Variants in EPHA8 observed in about 807,000 individuals in gnomAD.
EPHA8 encodes ephrin type-A receptor 8.
A neutral mutation model predicts 103.6 loss-of-function variants in EPHA8; 58 were observed. That is an observed-to-expected ratio of 0.56 (90% CI 0.45 to 0.70). The LOEUF (loss-of-function observed/expected upper bound fraction) is 0.70. Among genes scored for constraint, EPHA8 ranks in the 30% least tolerant of loss-of-function variants. EPHA8 has a pLI of 0.00. For missense variants in EPHA8, 1,304 were observed against 1,395.2 expected (o/e 0.93, Z 1.04); for synonymous variants, 559 against 572.5 (o/e 0.98, Z 0.34).
chr1:22,591,109 G>C (rs1325526753), intron 5 of EPHA8, among the ~76,000 whole-genome samples: 1 of 152,084 alleles, frequency 6.6e-6, no homozygotes, highest in Admixed American at 6.5e-5. Context: ...AGAAGTGAGG[G>C]CTGGGTGTGG....
intron 13 of EPHA8, among the ~76,000 whole-genome samples, chr1:22,599,656 A>AGGG (rs1249585051): frequency 1.2e-4 from 6 of 50,952 alleles, no homozygotes; most frequent in African/African-American, 5.4e-4. Flanking sequence ...GGAAGGAAGG[A>AGGG]AAGGAGGGAG....
chr1:22,564,308 G>C lies in EPHA8; in HGVS notation c.94+579G>C, dbSNP rs546228028. ...AAGGAGGGGTGCGGAATGAGAGTCT[G>C]GGAGAGGGGTCAGGGCCCGAGGGCC... On this transcript the variant is annotated intron_variant, in intron 1 of 16. Transcript: ENST00000166244. Among the ~76,000 whole-genome samples the C allele has an allele frequency of 5.3e-5, 8 of 151,924 alleles. No individual in the cohort carries two copies. In the East Asian group the frequency reaches 1.6e-3, roughly 30 times the overall value.
chr1:22,589,186 A>G lies in EPHA8; in HGVS notation c.1295A>G (p.Asn432Ser). 1.2e-6 allele frequency: 2 copies of G among 1,613,972 alleles called. No individual in the cohort carries two copies. The highest frequency in any genetic ancestry group is 1.1e-5 in the South Asian group (1 of 91,072). The change falls in exon 5 of 17, where the codon AAC (asparagine) becomes AGC (serine). Residue 432 changes from asparagine to serine, a missense_variant. By Grantham distance (46) the Asn-to-Ser change is conservative. Transcript: ENST00000166244. This position sits in a 1 kb window ranked among gnomAD's most constrained non-coding sequence, Gnocchi z 4.3. ...SPEPRRAAVV[N>S]ITTNQAAPSQ... The stretch of plus-strand genomic sequence containing the variant: ...GAGCCCCGCCGGGCCGCTGTGGTCA[A>G]CATCACCACGAACCAGGCAGGTAGG...
intron 4 of EPHA8, 22 bp downstream of exon 4, chr1:22,586,657 C>T (rs1430237818): frequency 3.7e-6 from 6 of 1,611,416 alleles, no homozygotes; most frequent in South Asian, 3.3e-5. Context: ...TCCGAGATGC[C>T]AGTACCCTTG....
rs1261225071 is a variant in EPHA8, at chr1:22,569,240, T to A, written c.95-49T>A. The A allele has an allele frequency of 3.1e-6, 5 of 1,602,182 alleles. No individual in the cohort carries two copies. ...CTGGGTCAGGCTGCTCTTGAGGAGC[T>A]GGGGAGAAGTCAGAGGGGCCTGATG... is the stretch of plus-strand genomic sequence containing the variant. On this transcript the variant is annotated intron_variant, in intron 1 of 16. Coordinates refer to ENST00000166244, the MANE Select transcript of EPHA8 (RefSeq NM_020526.5). The surrounding 1 kb of genome is among the most constrained non-coding windows in gnomAD (Gnocchi z 4.5).
At chr1:22,574,719 T>C (rs547274302) in intron 2 of EPHA8, among the ~76,000 whole-genome samples, 2 of 152,378 alleles carry the variant, frequency 1.3e-5, no homozygotes, top group East Asian at 3.9e-4. Flanking sequence ...TTCTACGTTG[T>C]GGCTGTTGTG....
At chr1:22,583,934 C>A (rs1308103787) in intron 3 of EPHA8, among the ~76,000 whole-genome samples, 3 of 152,182 alleles carry the variant, frequency 2.0e-5, no homozygotes, top group Non-Finnish European at 4.4e-5. Context: ...TCTGCCAATG[C>A]CGTGGAAGCT....
Position 22,598,629 on chromosome 1 carries a change from G to A in EPHA8, c.2179-209G>A, listed in dbSNP as rs760544244. ...ACAAAATGGGTAAGCAGTCATTGCT[G>A]CCCCACGTACCTCGCAGGGTTGCTG... On this transcript the variant is annotated intron_variant, in intron 12 of 16. Transcript: ENST00000166244. This position sits in a 1 kb window ranked among gnomAD's most constrained non-coding sequence, Gnocchi z 5.1. 1.9e-4 allele frequency among the ~76,000 whole-genome samples: 29 copies of A among 152,160 alleles called. No individual in the cohort carries two copies. The highest frequency in any genetic ancestry group is 3.1e-4 in the Non-Finnish European group (21 of 68,040).
At chr1:22,585,027 C>G (rs1010144002) in intron 3 of EPHA8, among the ~76,000 whole-genome samples, 8 of 147,464 alleles carry the variant, frequency 5.4e-5, no homozygotes, top group African/African-American at 9.9e-5. Flanking sequence ...GGTCGTTTCT[C>G]TGTGTGTGTG....
rs567053734 is a variant in EPHA8, at chr1:22,579,514, T to C, written c.823+2634T>C. On this transcript the variant is annotated intron_variant, in intron 3 of 16. Transcript: ENST00000166244. Reference sequence around the variant, plus strand: ...TCTGCATGGTGTGCGCATGTGTGTGTGCATGTGGGGGAGTCTGTGCAGCCA... The same window carrying C: ...TCTGCATGGTGTGCGCATGTGTGTGCGCATGTGGGGGAGTCTGTGCAGCCA... Among the ~76,000 whole-genome samples the C allele has an allele frequency of 3.5e-4, 54 of 152,268 alleles. 1 individual carries two copies. In the East Asian group the frequency reaches 9.6e-3, roughly 27 times the overall value.
chr1:22,564,938 C>T (rs1569937523), intron 1 of EPHA8, among the ~76,000 whole-genome samples: 2 of 152,128 alleles, frequency 1.3e-5, no homozygotes, highest in East Asian at 3.9e-4. Flanking sequence ...CCTTCACACA[C>T]AGCTCACCGA....
chr1:22,579,009 G>T (rs1468319158), intron 3 of EPHA8, among the ~76,000 whole-genome samples: 1 of 146,314 alleles, frequency 6.8e-6, no homozygotes. Flanking sequence ...ATATGCATGT[G>T]TGTGCATATG....
Position 22,597,516 on chromosome 1 carries a change from C to A in EPHA8, c.1930+40C>A. ...TTGTGAGGGCGGGGCCAGCATGGGGCAAGGTGGGGGCACCCAGGGCAAGGT... is the reference window on the plus strand; with the variant it reads ...TTGTGAGGGCGGGGCCAGCATGGGGAAAGGTGGGGGCACCCAGGGCAAGGT... On this transcript the variant is annotated intron_variant, in intron 10 of 16. Coordinates refer to ENST00000166244, the MANE Select transcript of EPHA8 (RefSeq NM_020526.5). This position sits in a 1 kb window ranked among gnomAD's most constrained non-coding sequence, Gnocchi z 4.6. 1 of 1,596,048 alleles carries A rather than the reference C, an allele frequency of 6.3e-7. No homozygotes were observed. The highest frequency in any genetic ancestry group is 8.5e-7 in the Non-Finnish European group (1 of 1,169,784).
chr1:22,567,087 G>A lies in EPHA8; in HGVS notation c.95-2202G>A, dbSNP rs1640381219. ...CCCAGGAGGGCAGGGCCTGGAGAGC[G>A]GTGTCTGCAGGCCCTGAAGCCTGCA... On this transcript the variant is annotated intron_variant, in intron 1 of 16. Coordinates refer to ENST00000166244, the MANE Select transcript of EPHA8 (RefSeq NM_020526.5). This position sits in a 1 kb window ranked among gnomAD's most constrained non-coding sequence, Gnocchi z 4.2. Among the ~76,000 whole-genome samples, 2 of 152,154 alleles carry A rather than the reference G, an allele frequency of 1.3e-5. No individual in the cohort carries two copies. Among genetic ancestry groups the A allele is most frequent in the Non-Finnish European group, 1.5e-5 (1 of 68,024 alleles).
In EPHA8 at chr1:22,596,093, CCCT is replaced by C; in HGVS notation, c.1698-8_1698-6del. On this transcript the variant is annotated splice_polypyrimidine_tract_variant and intron_variant, in intron 8 of 16. Coordinates refer to ENST00000166244, the MANE Select transcript of EPHA8 (RefSeq NM_020526.5). ...TGGCCTGGCCTCAGGCAGGGCGGTG[CCCT>C]CCTCTGCAGGCACTGTGGCTACAGC... 6.2e-7 allele frequency: 1 copy of C among 1,613,388 alleles called. No homozygotes were observed. Among genetic ancestry groups the C allele is most frequent in the Non-Finnish European group, 8.5e-7 (1 of 1,179,740 alleles).
intron 5 of EPHA8, among the ~76,000 whole-genome samples, chr1:22,590,158 C>G (rs2148254935): frequency 6.6e-6 from 1 of 152,280 alleles, no homozygotes; most frequent in African/African-American, 2.4e-5. Flanking sequence ...AAGTGTGGTG[C>G]CAGGTGCTGG....
chr1:22,596,415 T>C (rs1301461620), intron 9 of EPHA8, among the ~76,000 whole-genome samples: 1 of 152,172 alleles, frequency 6.6e-6, no homozygotes, highest in Non-Finnish European at 1.5e-5. Context: ...GGGCACACAT[T>C]TGTATGATTT....
rs533387595 is a variant in EPHA8 at position 22,576,943 on chromosome 1, C to T, written c.823+63C>T. ...GCGGTGCTTGGTCTTGGCAGGGCTG[C>T]CAGGGTGTAAGGGGGGACGTCAGAG... On this transcript the variant is annotated intron_variant, in intron 3 of 16. Transcript: ENST00000166244. The surrounding 1 kb of genome is among the most constrained non-coding windows in gnomAD (Gnocchi z 4.8). The T allele has an allele frequency of 2.0e-6, 3 of 1,518,410 alleles. No individual in the cohort carries two copies. Among genetic ancestry groups the T allele is most frequent in the Non-Finnish European group, 8.8e-7 (1 of 1,131,512 alleles). 94.1% of individuals were successfully genotyped at this position (1,518,410 alleles called of 1,614,324 possible).
Position 22,569,499 on chromosome 1 carries a change from T to G in EPHA8, c.159+146T>G, listed in dbSNP as rs1640462454. The G allele has an allele frequency of 1.3e-6, 1 of 794,912 alleles. No homozygotes were observed. Among genetic ancestry groups the G allele is most frequent in the African/African-American group, 1.8e-5 (1 of 56,162 alleles). The allele number at this position is 794,912 out of a possible 1,614,324, so 49.2% of individuals were successfully genotyped here. A position where few individuals can be genotyped will look rare whatever the true frequency, so the allele number is the denominator to read the frequency against. ...CCCAAGGGCACACAGCAGTTAGTGC[T>G]GCTGATCTCTTAACAGTTTAGTGCA... On this transcript the variant is annotated intron_variant, in intron 2 of 16. Coordinates refer to ENST00000166244, the MANE Select transcript of EPHA8 (RefSeq NM_020526.5). This position sits in a 1 kb window ranked among gnomAD's most constrained non-coding sequence, Gnocchi z 4.5.
Sources: gnomAD v4.1 joint callset for allele counts (sites outside exome capture counted in the v4.1 genomes callset) on GRCh38, gnomAD v4.1.1 for gene constraint, Gnocchi (gnomAD v3.1) non-coding constraint, MANE v1.5 for transcripts, NCBI Gene and HGNC (gene_info 2026-07-23, HGNC 2026-07-21) for gene names.